Variants in KCND2 observed in about 807,000 individuals in gnomAD.
KCND2 encodes potassium voltage-gated channel subfamily D member 2.
A neutral mutation model predicts 54.4 loss-of-function variants in KCND2; 16 were observed. That is an observed-to-expected ratio of 0.29 (90% CI 0.20 to 0.45). The LOEUF is 0.45. KCND2 is among the 20% of genes least tolerant of loss of function. KCND2 has a pLI of 1.00. For synonymous variants in KCND2, 317 were observed against 310.7 expected (o/e 1.02, Z -0.21); for missense variants, 486 against 824.2 (o/e 0.59, Z 5.02).
At position 120,712,241 on chromosome 7, in the gene KCND2, A is replaced by ATTTTTTTT. The variant is rs869059871; in HGVS notation, c.1116-20629_1116-20622dup. 2.8e-3 allele frequency among the ~76,000 whole-genome samples: 99 copies of ATTTTTTTT among 34,782 alleles called. 39 individuals carry two copies. Among genetic ancestry groups the ATTTTTTTT allele is most frequent in the Admixed American group, 4.0e-3 (10 of 2,486 alleles). 22.8% of individuals were successfully genotyped at this position (34,782 alleles called of 152,430 possible). On this transcript the variant is annotated intron_variant, in intron 1 of 5. Coordinates refer to ENST00000331113, the MANE Select transcript of KCND2 (RefSeq NM_012281.3). The stretch of plus-strand genomic sequence containing the variant: ...TTTTCTTTGAATTTTGGATATCTGA[A>ATTTTTTTT]TTTTTTTTTTTTTTTTTTTTTTTTT...
intron 1 of KCND2, among the ~76,000 whole-genome samples, chr7:120,702,205 A>G (rs2116035140): frequency 1.3e-5 from 2 of 152,358 alleles, no homozygotes; most frequent in East Asian, 3.9e-4. Flanking sequence ...AACATCAGTG[A>G]TCATTGGAGA....
At chr7:120,293,832 G>A (rs1236999077) in intron 1 of KCND2, among the ~76,000 whole-genome samples, 1 of 151,832 alleles carries the variant, frequency 6.6e-6, no homozygotes, top group East Asian at 1.9e-4. Flanking sequence ...TGCATTATCT[G>A]TAGAAGCACA....
chr7:120,725,925 G>T (rs535004051), intron 1 of KCND2, among the ~76,000 whole-genome samples: 1 of 152,262 alleles, frequency 6.6e-6, no homozygotes, highest in African/African-American at 2.4e-5. Context: ...AAAGTTCATA[G>T]ACTCCGAGGT....
At position 120,749,966 on chromosome 7, in the gene KCND2, A is replaced by G. The variant is rs1483961491; in HGVS notation, c.*2108A>G. On this transcript the variant is annotated 3_prime_UTR_variant, in exon 6 of 6. Coordinates refer to ENST00000331113, the MANE Select transcript of KCND2 (RefSeq NM_012281.3). ...TTTCATGTTCTTAATATTACATACA[A>G]GAAAATGCAGTTAGGTTATTTCAAT... 6.6e-6 allele frequency: 1 copy of G among 151,964 alleles called. No individual in the cohort carries two copies. The highest frequency in any genetic ancestry group is 1.5e-5 in the Non-Finnish European group (1 of 67,850). The allele number at this position is 151,964 out of a possible 1,614,324, so 9.4% of individuals were successfully genotyped here.
intron 1 of KCND2, among the ~76,000 whole-genome samples, chr7:120,700,732 T>C (rs185597980): frequency 6.6e-6 from 1 of 152,344 alleles, no homozygotes; most frequent in African/African-American, 2.4e-5. Flanking sequence ...AGCTGTTTTT[T>C]GATGGTTAAG....
intron 1 of KCND2, among the ~76,000 whole-genome samples, chr7:120,317,811 A>C (rs1044173768): frequency 6.6e-6 from 1 of 152,138 alleles, no homozygotes; most frequent in Non-Finnish European, 1.5e-5. Flanking sequence ...AAAACCCCAC[A>C]GTTTTATGGG....
intron 1 of KCND2, among the ~76,000 whole-genome samples, chr7:120,693,870 A>T (rs1030962001): frequency 3.9e-5 from 6 of 152,192 alleles, no homozygotes; most frequent in African/African-American, 9.7e-5. Context: ...AAGGCCAGAA[A>T]GGAGATGAAA....
intron 1 of KCND2, among the ~76,000 whole-genome samples, chr7:120,374,707 T>G (rs1800812976): frequency 6.6e-6 from 1 of 151,896 alleles, no homozygotes; most frequent in Admixed American, 6.6e-5. Flanking sequence ...TTCAGCCTCA[T>G]AGCCTGTAGG....
At chr7:120,460,215 A>G (rs916012834) in intron 1 of KCND2, among the ~76,000 whole-genome samples, 2 of 152,238 alleles carry the variant, frequency 1.3e-5, no homozygotes, top group African/African-American at 4.8e-5. Context: ...AATGTGTACT[A>G]TAGACCAGAC....
At chr7:120,406,801 G>A (rs78038997) in intron 1 of KCND2, among the ~76,000 whole-genome samples, 4,073 of 152,000 alleles carry the variant, frequency 0.027, 83 homozygotes, top group Non-Finnish European at 0.045. Flanking sequence ...TAAAATGATC[G>A]TTTTTAAGAT....
At chr7:120,401,600 T>C (rs576937566) in intron 1 of KCND2, among the ~76,000 whole-genome samples, 77 of 152,254 alleles carry the variant, frequency 5.1e-4, no homozygotes, top group African/African-American at 1.9e-3. Context: ...AAAGCTTTGA[T>C]AGATATTTCA....
chr7:120,494,333 G>A (rs1480546349), intron 1 of KCND2, among the ~76,000 whole-genome samples: 1 of 151,984 alleles, frequency 6.6e-6, no homozygotes, highest in African/African-American at 2.4e-5. Flanking sequence ...TCTATATATT[G>A]TGACACCATG....
chr7:120,672,849 A>T (rs965608581), intron 1 of KCND2: 3 of 152,114 alleles, frequency 2.0e-5, no homozygotes, highest in African/African-American at 7.2e-5. Context: ...TGGTGTCCTT[A>T]TACAAAGAGG....
intron 1 of KCND2, among the ~76,000 whole-genome samples, chr7:120,395,200 TAA>T (rs780486116): frequency 4.6e-5 from 7 of 152,104 alleles, no homozygotes; most frequent in Non-Finnish European, 7.4e-5. Flanking sequence ...TGGTAAACTC[TAA>T]AAGAGTACTT....
At chr7:120,273,127 C>T (rs1799102091), upstream of KCND2, among the ~76,000 whole-genome samples, 1 of 152,014 alleles carries the variant, frequency 6.6e-6, no homozygotes, top group Admixed American at 6.6e-5. Context: ...CCCGAGGGGG[C>T]GGGGGCGGAG....
intron 1 of KCND2, among the ~76,000 whole-genome samples, chr7:120,356,238 A>G (rs1222686472): frequency 2.6e-5 from 4 of 151,014 alleles, no homozygotes; most frequent in Non-Finnish European, 4.4e-5. Flanking sequence ...CTCCCTGAGC[A>G]TAAGGAATGC....
At chr7:120,314,318 G>A (rs931447538) in intron 1 of KCND2, among the ~76,000 whole-genome samples, 61 of 149,384 alleles carry the variant, frequency 4.1e-4, no homozygotes, top group African/African-American at 1.4e-3. Context: ...GGGTGACAGA[G>A]CAAGACTCCA....
chr7:120,553,686 TG>T (rs917041808), intron 1 of KCND2, among the ~76,000 whole-genome samples: 2 of 152,200 alleles, frequency 1.3e-5, no homozygotes, highest in Non-Finnish European at 1.5e-5. Flanking sequence ...TTGAGATGAT[TG>T]TAGGTCATCC....
intron 1 of KCND2, among the ~76,000 whole-genome samples, chr7:120,521,614 G>A (rs181282776): frequency 3.9e-5 from 6 of 152,212 alleles, no homozygotes; most frequent in South Asian, 2.1e-4. Context: ...TAAATTGAGC[G>A]TAATAATATA....
Sources: allele counts gnomAD v4.1 joint callset (sites outside exome capture counted in the v4.1 genomes callset), GRCh38; gene constraint gnomAD v4.1.1; transcripts MANE v1.5; gene names NCBI Gene and HGNC (gene_info 2026-07-23, HGNC 2026-07-21).